The following TTLL8 variants were observed in gnomAD, a reference collection of about 807,000 sequenced individuals.
The protein encoded by TTLL8 is protein monoglycylase TTLL8.
TTLL8 carries 65 observed loss-of-function variants against 77.8 expected under a neutral mutation model. That is an observed-to-expected ratio of 0.84 (90% CI 0.68 to 1.03). TTLL8 has a LOEUF of 1.03. Among genes scored for constraint, TTLL8 ranks in the 50% least tolerant of loss-of-function variants. TTLL8 has a pLI of 0.00. For synonymous variants in TTLL8, 402 were observed against 422.8 expected, an observed-to-expected ratio of 0.95 and a Z score of 0.60; for missense variants, 910 against 1,004.5, an observed-to-expected ratio of 0.91 and a Z score of 1.27.
chr22:50,046,728 C>T (rs973054297), intron 4 of TTLL8, among the ~76,000 whole-genome samples: 5 of 152,228 alleles, frequency 3.3e-5, no homozygotes, highest in Non-Finnish European at 5.9e-5. Flanking sequence ...CCACACCCTG[C>T]GTCCTGGGCA....
exon 12 of TTLL8, chr22:50,030,488 A>G: frequency 7.4e-7 from 1 of 1,345,180 alleles, no homozygotes; most frequent in East Asian, 4.8e-5. Context: ...CCCGCAGCAC[A>G]GGCTCCAGCG....
chr22:50,058,094 C>T (rs1276901888), upstream of TTLL8, among the ~76,000 whole-genome samples: 1 of 151,626 alleles, frequency 6.6e-6, no homozygotes, highest in African/African-American at 2.4e-5. This position sits in a 1 kb window ranked among gnomAD's most constrained non-coding sequence, Gnocchi z 4.2. Flanking sequence ...GAGGAGGGGT[C>T]CTGTCCGGGA....
intron 11 of TTLL8, 79 bp downstream of exon 12, chr22:50,031,607 A>C: frequency 3.3e-6 from 4 of 1,201,778 alleles, no homozygotes; most frequent in Non-Finnish European, 4.2e-6. Context: ...CTGCAGCTCC[A>C]CCCTCGCCCA....
At chr22:50,033,176 G>C (rs1218760861) in intron 10 of TTLL8, 26 bp downstream of exon 11, 1 of 1,300,272 alleles carries the variant, frequency 7.7e-7, no homozygotes. Flanking sequence ...CTGGCCCGAG[G>C]TGTCCAGGTC....
chr22:50,024,274 T>C (rs763934093), intron 12 of TTLL8, among the ~76,000 whole-genome samples: 4 of 152,080 alleles, frequency 2.6e-5, no homozygotes, highest in Non-Finnish European at 5.9e-5. Context: ...CTAGCTGGGA[T>C]TACAGGTGCC....
intron 12 of TTLL8, among the ~76,000 whole-genome samples, chr22:50,018,670 ACT>A (rs1320832566): frequency 6.6e-6 from 1 of 152,116 alleles, no homozygotes; most frequent in Non-Finnish European, 1.5e-5. Context: ...GTGATGGCTG[ACT>A]CTGCTGATTT....
intron 8 of TTLL8, among the ~76,000 whole-genome samples, chr22:50,037,068 C>T (rs2061342010): frequency 6.6e-6 from 1 of 152,170 alleles, no homozygotes; most frequent in African/African-American, 2.4e-5. Flanking sequence ...ATTATCTGGG[C>T]CATTGGGTAT....
At position 50,034,574 on chromosome 22, in the gene TTLL8, C is replaced by A; in HGVS notation, c.922-112G>T. 1 of 1,159,244 alleles carries A rather than the reference C, an allele frequency of 8.6e-7. No individual in the cohort carries two copies. Among genetic ancestry groups the A allele is most frequent in the Non-Finnish European group, 1.1e-6 (1 of 880,324 alleles). The allele number at this position is 1,159,244 out of a possible 1,614,324, so 71.8% of individuals were successfully genotyped here. A position where few individuals can be genotyped will look rare whatever the true frequency, so the allele number is the denominator to read the frequency against. On this transcript the variant is annotated intron_variant, in intron 8 of 13. Coordinates refer to ENST00000266182, the Ensembl canonical transcript of TTLL8. This position sits in a 1 kb window ranked among gnomAD's most constrained non-coding sequence, Gnocchi z 4.1. ...GGCCCCGCCTCACCCACCAAGCAGG[C>A]GCTCGGCTCTAGGATGGTCTGGGGC...
At chr22:50,019,827 A>G (rs548225480) in intron 12 of TTLL8, among the ~76,000 whole-genome samples, 28 of 152,364 alleles carry the variant, frequency 1.8e-4, no homozygotes, top group African/African-American at 6.5e-4. Flanking sequence ...CAATCACCAC[A>G]GAATCCATGT....
chr22:50,020,920 G>A (rs1210186322), intron 12 of TTLL8, among the ~76,000 whole-genome samples: 3 of 133,170 alleles, frequency 2.3e-5, no homozygotes, highest in Non-Finnish European at 4.7e-5. Flanking sequence ...TCCTCCATCT[G>A]AATGTGTACT....
intron 12 of TTLL8, chr22:50,030,183 G>A: frequency 2.0e-6 from 2 of 985,348 alleles, no homozygotes; most frequent in Non-Finnish European, 2.4e-6. Flanking sequence ...TCTACAGAGG[G>A]GACCCCACCA....
chr22:50,049,455 T>A, intron 2 of TTLL8, 133 bp from the exon 5 acceptor site: 1 of 971,694 alleles, frequency 1.0e-6, no homozygotes, highest in Non-Finnish European at 1.4e-6. Flanking sequence ...GGCCTTCCCC[T>A]GGTGGAGCAG....
chr22:50,031,965 G>A, exon 11 of TTLL8: 1 of 1,366,752 alleles, frequency 7.3e-7, no homozygotes, highest in South Asian at 1.1e-5. Flanking sequence ...AGATGACGCT[G>A]CCCCACACGG....
chr22:50,029,402 G>A (rs112395421), intron 12 of TTLL8, among the ~76,000 whole-genome samples: 24 of 103,208 alleles, frequency 2.3e-4, no homozygotes, highest in South Asian at 6.0e-4. Flanking sequence ...ACACCATCCT[G>A]AAGACCCCAC....
intron 12 of TTLL8, among the ~76,000 whole-genome samples, chr22:50,024,377 G>A (rs989841067): frequency 2.6e-5 from 4 of 152,030 alleles, no homozygotes; most frequent in Non-Finnish European, 4.4e-5. Flanking sequence ...CGCCCGCCTC[G>A]GCCTCCCAGA....
intron 8 of TTLL8, among the ~76,000 whole-genome samples, chr22:50,036,050 T>C (rs2061334128): frequency 6.6e-6 from 1 of 152,064 alleles, no homozygotes; most frequent in African/African-American, 2.4e-5. Context: ...GAGATGCACA[T>C]CCCAAACTCA....
At chr22:50,021,691 A>AATG (rs2061201644) in intron 12 of TTLL8, among the ~76,000 whole-genome samples, 2 of 82,554 alleles carry the variant, frequency 2.4e-5, no homozygotes, top group Admixed American at 1.4e-4. Flanking sequence ...TCCATCTGAC[A>AATG]TGCACTCCTC....
upstream of TTLL8, among the ~76,000 whole-genome samples, chr22:50,057,943 G>C (rs1217735937): frequency 6.6e-6 from 1 of 151,896 alleles, no homozygotes; most frequent in Non-Finnish European, 1.5e-5. Context: ...AGGTTTAGTG[G>C]GGGAGTTCTG....
rs1435591224 is a variant in TTLL8 at position 50,048,139 on chromosome 22, TG to T, written c.265-844del. ...AAGTGTGTGTGTGTGTGTGTGTGTG[TG>T]TGTGTAAATAATAGCATACTAATCA... On this transcript the variant is annotated intron_variant, in intron 3 of 13. Transcript: ENST00000266182. 4.6e-3 allele frequency among the ~76,000 whole-genome samples: 701 copies of T among 151,616 alleles called. 5 individuals are homozygous for T. The highest frequency in any genetic ancestry group is 0.016 in the African/African-American group (657 of 41,308).
Sources: gnomAD v4.1 joint callset for allele counts (sites outside exome capture counted in the v4.1 genomes callset) on GRCh38, gnomAD v4.1.1 for gene constraint, Gnocchi (gnomAD v3.1) non-coding constraint, MANE v1.5 for transcripts, NCBI Gene and HGNC (gene_info 2026-07-23, HGNC 2026-07-21) for gene names.